NAV3: variants seen among roughly 807,000 people sequenced by gnomAD.
The protein encoded by NAV3 is neuron navigator 3, also known as pore membrane and/or filament interacting like protein 1.
NAV3 carries 87 observed loss-of-function variants against 244.7 expected under a neutral mutation model. That is an observed-to-expected ratio of 0.36 (90% CI 0.30 to 0.42). The LOEUF (loss-of-function observed/expected upper bound fraction) is 0.42, where lower values mean the gene tolerates loss of function less well. Among genes scored for constraint, NAV3 ranks in the 20% least tolerant of loss-of-function variants. The pLI is 1.00. For synonymous variants in NAV3, 1,126 were observed against 1,042.2 expected (o/e 1.08, Z -1.55); for missense variants, 2,663 against 2,893.3 (o/e 0.92, Z 1.83).
chr12:78,195,713 C>A (rs11108715), intron 34 of NAV3, among the ~76,000 whole-genome samples: 21,511 of 151,994 alleles, frequency 0.14, 1,712 homozygotes, highest in South Asian at 0.21. Context: ...CCTACCACCC[C>A]ACTCAGGCTC....
chr12:78,111,067 A>G (rs300432), intron 12 of NAV3, among the ~76,000 whole-genome samples: 121,882 of 151,900 alleles, frequency 0.8, 49,257 homozygotes, highest in Non-Finnish European at 0.85. Context: ...AGAGTTAAAA[A>G]GTGTAAACAT....
At chr12:77,982,812 G>T (rs960425326) in intron 5 of NAV3, among the ~76,000 whole-genome samples, 11 of 152,152 alleles carry the variant, frequency 7.2e-5, no homozygotes, top group African/African-American at 2.7e-4. Context: ...TGTGGTTAAA[G>T]AATCCACTTC....
intron 3 of NAV3, among the ~76,000 whole-genome samples, chr12:77,949,944 CA>C (rs1890717720): frequency 6.6e-6 from 1 of 152,048 alleles, no homozygotes; most frequent in African/African-American, 2.4e-5. Flanking sequence ...TGGCTTCTTT[CA>C]CTTAGTAATA....
At chr12:78,086,622 T>C (rs550131117) in intron 12 of NAV3, among the ~76,000 whole-genome samples, 51 of 152,044 alleles carry the variant, frequency 3.4e-4, no homozygotes, top group Non-Finnish European at 6.5e-4. Context: ...AGAAGTCTTA[T>C]GGTAATAAAC....
In NAV3 at chr12:77,583,678, G is replaced by T. The variant is rs184280162; in HGVS notation, c.72+11412G>T. Among the ~76,000 whole-genome samples the T allele has an allele frequency of 2.6e-5, 4 of 152,232 alleles. No homozygotes were observed. In the East Asian group the frequency reaches 7.7e-4, roughly 29 times the overall value. ...AAATTAGTGGTTTGACTAAATATAT[G>T]ATACTAAGAGTATATGTGGATATAG... On this transcript the variant is annotated intron_variant, in intron 2 of 8. Transcript: ENST00000550042.
At chr12:77,707,548 A>G (rs1459851288) in intron 2 of NAV3, among the ~76,000 whole-genome samples, 3 of 152,206 alleles carry the variant, frequency 2.0e-5, no homozygotes, top group African/African-American at 7.2e-5. Context: ...TTATAGCAGC[A>G]TGATTTATAA....
At chr12:78,049,017 G>C (rs1172204221) in intron 9 of NAV3, among the ~76,000 whole-genome samples, 1 of 152,190 alleles carries the variant, frequency 6.6e-6, no homozygotes, top group Non-Finnish European at 1.5e-5. Context: ...TGTTTACATT[G>C]TGAGGGGAAA....
intron 9 of NAV3, among the ~76,000 whole-genome samples, chr12:78,029,857 T>C (rs1271194276): frequency 1.3e-5 from 2 of 152,172 alleles, no homozygotes; most frequent in African/African-American, 4.8e-5. Flanking sequence ...AATAAAATAA[T>C]TGCCTATTAG....
chr12:77,949,827 C>G (rs936416236), intron 3 of NAV3, among the ~76,000 whole-genome samples: 4 of 152,184 alleles, frequency 2.6e-5, no homozygotes, highest in East Asian at 1.9e-4. Flanking sequence ...TACACATCCT[C>G]TGTGCTCCAA....
At chr12:77,872,593 GTT>G (rs376004367) in intron 1 of NAV3, among the ~76,000 whole-genome samples, 187 of 152,272 alleles carry the variant, frequency 1.2e-3, no homozygotes, top group African/African-American at 4.2e-3. Flanking sequence ...AGAACCACTA[GTT>G]CATGGCAATC....
At chr12:77,809,117 G>C (rs1872151413) in intron 2 of NAV3, among the ~76,000 whole-genome samples, 1 of 152,196 alleles carries the variant, frequency 6.6e-6, no homozygotes, top group Non-Finnish European at 1.5e-5. Context: ...CTCTGTGCGG[G>C]ATGGGATCTG....
intron 11 of NAV3, 125 bp downstream of exon 11, chr12:78,051,272 T>A: frequency 1.9e-6 from 2 of 1,061,228 alleles, no homozygotes; most frequent in Non-Finnish European, 2.7e-6. Context: ...ATATCTGAGG[T>A]TATTCAGAGT....
At chr12:78,011,627 A>G (rs1215059475) in intron 8 of NAV3, among the ~76,000 whole-genome samples, 5 of 152,180 alleles carry the variant, frequency 3.3e-5, no homozygotes, top group African/African-American at 4.8e-5. Context: ...ATGATGGGAA[A>G]AATAATAGGT....
intron 1 of NAV3, among the ~76,000 whole-genome samples, chr12:77,900,524 T>G (rs369443002): frequency 2.6e-5 from 4 of 152,198 alleles, no homozygotes; most frequent in South Asian, 4.1e-4. Flanking sequence ...ATTTCATTAT[T>G]TTTTATGGCT....
At chr12:77,892,386 G>A (rs1185828815) in intron 1 of NAV3, among the ~76,000 whole-genome samples, 3 of 151,882 alleles carry the variant, frequency 2.0e-5, no homozygotes, top group African/African-American at 7.2e-5. Flanking sequence ...CAAATTCATA[G>A]AGGGGGCAAG....
rs1555199973 is a variant in NAV3, at chr12:78,211,471, C to CTCT, written c.*955_*956insCTT. On this transcript the variant is annotated 3_prime_UTR_variant, in exon 40 of 40. Coordinates refer to ENST00000397909, the MANE Select transcript of NAV3 (RefSeq NM_001024383.2). Reference sequence around the variant, plus strand: ...TAGCCTCATCTCTATATATCTTTCTCTTTTTTTTTTTTTTGAAGAAATGGA... The same window carrying CTCT: ...TAGCCTCATCTCTATATATCTTTCTCTCTTTTTTTTTTTTTTTGAAGAAATGGA... 2.8e-5 allele frequency: 4 copies of CTCT among 144,714 alleles called. No homozygotes were observed. Among genetic ancestry groups the CTCT allele is most frequent in the Non-Finnish European group, 6.0e-5 (4 of 66,262 alleles). 9.0% of individuals were successfully genotyped at this position (144,714 alleles called of 1,614,324 possible).
intron 2 of NAV3, among the ~76,000 whole-genome samples, chr12:77,802,506 T>C (rs1871761014): frequency 6.6e-6 from 1 of 152,246 alleles, no homozygotes. Context: ...ATGTGTTTGC[T>C]GTTACTCCTA....
chr12:77,744,290 C>A (rs1868424739), intron 2 of NAV3, among the ~76,000 whole-genome samples: 1 of 151,914 alleles, frequency 6.6e-6, no homozygotes, highest in Non-Finnish European at 1.5e-5. Flanking sequence ...TGATTTTTGA[C>A]AATGATGCCA....
chr12:78,160,875 CTTCCTTT>C (rs1380586459), intron 23 of NAV3, among the ~76,000 whole-genome samples: 3 of 151,248 alleles, frequency 2.0e-5, no homozygotes, highest in Admixed American at 6.6e-5. Context: ...CCCTCCCTTC[CTTCCTTT>C]TTCCTTTTCT....
Sources: allele counts gnomAD v4.1 joint callset (sites outside exome capture counted in the v4.1 genomes callset), GRCh38; gene constraint gnomAD v4.1.1; transcripts MANE v1.5; gene names NCBI Gene and HGNC (gene_info 2026-07-23, HGNC 2026-07-21).